The following SEPTIN10 variants were observed in gnomAD, a reference collection of about 807,000 sequenced individuals.
SEPTIN10 encodes the protein septin-10.
In SEPTIN10, 66 loss-of-function variants were observed where a neutral mutation model predicts 54.8. The ratio of observed to expected loss-of-function variants is 1.21; its 90% CI spans 0.99 to 1.48. The LOEUF is 1.48. SEPTIN10 is among the 40% of genes most tolerant of loss of function. The pLI, the probability that SEPTIN10 is intolerant of heterozygous loss-of-function variation, is 0.00. For missense variants in SEPTIN10, 620 were observed against 545.6 expected (o/e 1.14, Z -1.36); for synonymous variants, 161 against 181.0 (o/e 0.89, Z 0.89).
intron 1 of SEPTIN10, among the ~76,000 whole-genome samples, chr2:109,605,213 A>G (rs780315064): frequency 3.3e-5 from 5 of 152,216 alleles, no homozygotes; most frequent in Non-Finnish European, 5.9e-5. Context: ...TGGGCTGAAT[A>G]TAATTATACC....
intron 9 of SEPTIN10, among the ~76,000 whole-genome samples, chr2:109,550,414 G>A (rs1682619887): frequency 6.6e-6 from 1 of 151,738 alleles, no homozygotes; most frequent in Non-Finnish European, 1.5e-5. Flanking sequence ...TTGTGTTCAG[G>A]CGATTCTCCT....
intron 9 of SEPTIN10, among the ~76,000 whole-genome samples, chr2:109,548,459 C>T (rs1201031495): frequency 6.6e-6 from 1 of 152,062 alleles, no homozygotes; most frequent in Non-Finnish European, 1.5e-5. Flanking sequence ...CGGAGGTTTA[C>T]ACGCATGAGC....
intron 8 of SEPTIN10, among the ~76,000 whole-genome samples, chr2:109,556,328 T>C (rs1337542463): frequency 6.6e-6 from 1 of 152,254 alleles, no homozygotes; most frequent in Admixed American, 6.5e-5. Flanking sequence ...AAATTTCTAT[T>C]GCTTATAAAA....
At chr2:109,596,842 T>C (rs1695421128) in intron 1 of SEPTIN10, among the ~76,000 whole-genome samples, 1 of 152,214 alleles carries the variant, frequency 6.6e-6, no homozygotes, top group Non-Finnish European at 1.5e-5. Flanking sequence ...TAAAGTAATA[T>C]GAATAATTAT....
chr2:109,551,127 A>G (rs1170384261), intron 9 of SEPTIN10, among the ~76,000 whole-genome samples: 1 of 152,228 alleles, frequency 6.6e-6, no homozygotes, highest in Non-Finnish European at 1.5e-5. Context: ...CAGAACGTCA[A>G]CGATATTTGG....
At chr2:109,579,584 T>C (rs1690599416) in intron 4 of SEPTIN10, among the ~76,000 whole-genome samples, 1 of 151,332 alleles carries the variant, frequency 6.6e-6, no homozygotes, top group African/African-American at 2.4e-5. Context: ...GGTTTCACCA[T>C]GCTGGTCAGG....
Position 109,557,184 on chromosome 2 carries a change from A to T in SEPTIN10, c.1029-3965T>A, listed in dbSNP as rs190325749. On this transcript the variant is annotated intron_variant, in intron 8 of 10. Coordinates refer to ENST00000397712, the MANE Select transcript of SEPTIN10 (RefSeq NM_144710.5). ...TTAAAGTATAATAAAAAAAAATTTA[A>T]AAAAAATTATAAAAAAAATCTTGAA... Among the ~76,000 whole-genome samples the T allele has an allele frequency of 3.3e-3, 495 of 152,230 alleles. 2 individuals are homozygous for T. The highest frequency in any genetic ancestry group is 4.3e-3 in the Non-Finnish European group (291 of 68,006).
chr2:109,556,285 A>G (rs1684355484), intron 8 of SEPTIN10, among the ~76,000 whole-genome samples: 1 of 152,236 alleles, frequency 6.6e-6, no homozygotes. Context: ...TTTGACAGAG[A>G]ATACAAATTC....
At chr2:109,608,065 C>T (rs1698409472) in intron 1 of SEPTIN10, among the ~76,000 whole-genome samples, 1 of 151,408 alleles carries the variant, frequency 6.6e-6, no homozygotes, top group Non-Finnish European at 1.5e-5. Flanking sequence ...CTCATCTATA[C>T]ACATAGAATT....
At chr2:109,602,302 AT>A (rs1696765424) in intron 1 of SEPTIN10, among the ~76,000 whole-genome samples, 1 of 146,206 alleles carries the variant, frequency 6.8e-6, no homozygotes, top group Non-Finnish European at 1.5e-5. Context: ...ATTAAGGACA[AT>A]AAAATTAAGA....
At chr2:109,559,909 GCCTTTTTTT>G (rs1380495505) in intron 8 of SEPTIN10, among the ~76,000 whole-genome samples, 6 of 115,178 alleles carry the variant, frequency 5.2e-5, no homozygotes, top group East Asian at 2.4e-4. Flanking sequence ...TCCAACCAAT[GCCTTTTTTT>G]TTTTTTTTTT....
At chr2:109,606,454 G>T (rs1286187120) in intron 1 of SEPTIN10, among the ~76,000 whole-genome samples, 1 of 151,998 alleles carries the variant, frequency 6.6e-6, no homozygotes, top group Non-Finnish European at 1.5e-5. Flanking sequence ...TAACACAAGG[G>T]AAGTACTTGC....
At chr2:109,565,911 G>C (rs776106908) in intron 6 of SEPTIN10, 52 bp from the exon 7 acceptor site, 9 of 1,426,570 alleles carry the variant, frequency 6.3e-6, no homozygotes, top group Non-Finnish European at 8.9e-6. Context: ...TAACTGACTA[G>C]ATAAAATAAA....
At chr2:109,564,127 ACATTCT>A in intron 8 of SEPTIN10, 1 of 377,994 alleles carries the variant, frequency 2.6e-6, no homozygotes, top group Admixed American at 4.5e-5. Context: ...CCTCTGCCAT[ACATTCT>A]TCATCATATT....
At chr2:109,555,828 C>T (rs1177927313) in intron 8 of SEPTIN10, among the ~76,000 whole-genome samples, 1 of 152,170 alleles carries the variant, frequency 6.6e-6, no homozygotes, top group Non-Finnish European at 1.5e-5. Flanking sequence ...TTCTTCTTCC[C>T]CTGGCCCCTT....
intron 2 of SEPTIN10, among the ~76,000 whole-genome samples, chr2:109,590,401 G>A (rs1693760519): frequency 6.6e-6 from 1 of 151,684 alleles, no homozygotes; most frequent in South Asian, 2.1e-4. Flanking sequence ...ATCCTGGTTG[G>A]GCCTGACCTA....
At chr2:109,595,886 G>A (rs891366406) in intron 1 of SEPTIN10, among the ~76,000 whole-genome samples, 1 of 152,134 alleles carries the variant, frequency 6.6e-6, no homozygotes, top group Admixed American at 6.5e-5. Context: ...GAGGAGGGTA[G>A]AACATTCCAT....
intron 8 of SEPTIN10, among the ~76,000 whole-genome samples, chr2:109,559,146 A>G (rs985773629): frequency 2.6e-5 from 4 of 152,302 alleles, no homozygotes; most frequent in African/African-American, 7.2e-5. Context: ...TTGGCCTCCC[A>G]AAGTACTGAA....
At chr2:109,558,110 C>A (rs1684807496) in intron 8 of SEPTIN10, among the ~76,000 whole-genome samples, 2 of 152,004 alleles carry the variant, frequency 1.3e-5, no homozygotes, top group Admixed American at 1.3e-4. Flanking sequence ...ATATTTAATG[C>A]CAACATACTA....
Sources: gnomAD v4.1 joint callset for allele counts (sites outside exome capture counted in the v4.1 genomes callset) on GRCh38, gnomAD v4.1.1 for gene constraint, MANE v1.5 for transcripts, NCBI Gene and HGNC (gene_info 2026-07-23, HGNC 2026-07-21) for gene names.